PIWIL2: variants seen among roughly 807,000 people sequenced by gnomAD.
PIWIL2 encodes the protein piwi like RNA-mediated gene silencing 2, also known as piwi-like protein 2.
Under a neutral mutation model 116.5 loss-of-function variants are expected in PIWIL2, and 81 were observed. The ratio of observed to expected loss-of-function variants is 0.70; its 90% CI spans 0.58 to 0.84. The LOEUF (loss-of-function observed/expected upper bound fraction) is 0.84, where lower values mean the gene tolerates loss of function less well. PIWIL2 is among the 40% of genes least tolerant of loss of function. PIWIL2 has a pLI of 0.00. For missense variants in PIWIL2, 1,272 were observed against 1,212.3 expected (o/e 1.05, Z -0.73); for synonymous variants, 489 against 429.5 (o/e 1.14, Z -1.71).
At chr8:22,281,042 A>G (rs999106400) in intron 2 of PIWIL2, 78 bp from the exon 3 acceptor site, 4 of 791,516 alleles carry the variant, frequency 5.1e-6, no homozygotes, top group East Asian at 2.6e-5. Context: ...TGATTTTATT[A>G]TATACCAAGA....
At chr8:22,295,539 C>T (rs1306581715) in intron 10 of PIWIL2, among the ~76,000 whole-genome samples, 1 of 152,106 alleles carries the variant, frequency 6.6e-6, no homozygotes, top group Non-Finnish European at 1.5e-5. Context: ...AGTGAGAAGG[C>T]CTGTGTCAGG....
chr8:22,347,634 C>T (rs1832259777), intron 20 of PIWIL2, among the ~76,000 whole-genome samples: 1 of 149,162 alleles, frequency 6.7e-6, no homozygotes, highest in South Asian at 2.2e-4. Flanking sequence ...TCAAGCTGTT[C>T]TCCTACCTCA....
At position 22,311,295 on chromosome 8, in the gene PIWIL2, G is replaced by A; in HGVS notation, c.1984G>A (p.Ala662Thr). 2 of 1,597,640 alleles carry A rather than the reference G, an allele frequency of 1.3e-6. No homozygotes were observed. Among genetic ancestry groups the A allele is most frequent in the African/African-American group, 1.3e-5 (1 of 74,304 alleles). ...YVRTIQSTLGAEGKIQMVVCI... is the reference protein window; with the variant it reads ...YVRTIQSTLGTEGKIQMVVCI... ...CAGAACCATTCAATCCACGTTAGGAGCTGAGGTAAAAATGTAATTCAAATA... is the reference window on the plus strand; with the variant it reads ...CAGAACCATTCAATCCACGTTAGGAACTGAGGTAAAAATGTAATTCAAATA... Residue 662 changes from alanine to threonine, a missense_variant, in exon 16 of 23, where the codon GCT (alanine) becomes ACT (threonine). Coordinates refer to ENST00000356766, the MANE Select transcript of PIWIL2 (RefSeq NM_018068.5).
intron 20 of PIWIL2, among the ~76,000 whole-genome samples, chr8:22,327,541 A>G (rs1419675456): frequency 7.2e-6 from 1 of 138,890 alleles, no homozygotes; most frequent in Non-Finnish European, 1.6e-5. Flanking sequence ...CTAATTTTGT[A>G]TTTTTAGTAG....
At chr8:22,309,100 T>C (rs1196306758) in intron 14 of PIWIL2, among the ~76,000 whole-genome samples, 1 of 151,966 alleles carries the variant, frequency 6.6e-6, no homozygotes, top group African/African-American at 2.4e-5. Flanking sequence ...TAGCTGGGAT[T>C]ACAAGCACGT....
At position 22,351,436 on chromosome 8, in the gene PIWIL2, C is replaced by CATAT. The variant is rs1306694253; in HGVS notation, c.2404-1520_2404-1519insTATA. On this transcript the variant is annotated intron_variant, in intron 20 of 22. Coordinates refer to ENST00000356766, the MANE Select transcript of PIWIL2 (RefSeq NM_018068.5). The stretch of plus-strand genomic sequence containing the variant: ...AGTAACCTGTAAGGAACAGTGCATA[C>CATAT]ATACATATATATATATATATATATA... Among the ~76,000 whole-genome samples the CATAT allele has an allele frequency of 5.0e-3, 230 of 46,024 alleles. 1 individual carries two copies. Among genetic ancestry groups the CATAT allele is most frequent in the Middle Eastern group, 0.019 (1 of 54 alleles). 30.2% of individuals were successfully genotyped at this position (46,024 alleles called of 152,430 possible).
rs1831228704 is a variant in PIWIL2, at chr8:22,308,005, G to A, written c.1618G>A (p.Ala540Thr). 2 of 1,613,700 alleles carry A rather than the reference G, an allele frequency of 1.2e-6. No individual in the cohort carries two copies. Among genetic ancestry groups the A allele is most frequent in the Non-Finnish European group, 1.7e-6 (2 of 1,179,918 alleles). The change falls in exon 14 of 23, where the codon GCA becomes ACA. Residue 540 changes from alanine to threonine, a missense_variant. Ala to Thr is a moderately conservative substitution (Grantham distance 58). Transcript: ENST00000356766. ...SALECLLQRI[A>T]KNEAATNELM... is the part of the protein sequence containing the mutation. ...TTTGGAATGCTTGCTGCAAAGAATT[G>A]CAAAGAACGAGGCAGCCACCAATGA...
At chr8:22,343,353 T>G (rs540956165) in intron 20 of PIWIL2, among the ~76,000 whole-genome samples, 1 of 152,002 alleles carries the variant, frequency 6.6e-6, no homozygotes, top group Non-Finnish European at 1.5e-5. Flanking sequence ...GAGAATCATT[T>G]GAACTTGGGA....
chr8:22,303,714 C>T (rs963310080), intron 10 of PIWIL2, among the ~76,000 whole-genome samples: 1 of 152,102 alleles, frequency 6.6e-6, no homozygotes, highest in Non-Finnish European at 1.5e-5. Flanking sequence ...CTCTTATTTC[C>T]TGCAGTTCAG....
At chr8:22,349,081 C>T (rs1035217611) in intron 20 of PIWIL2, among the ~76,000 whole-genome samples, 15 of 144,332 alleles carry the variant, frequency 1.0e-4, no homozygotes, top group South Asian at 4.4e-4. Context: ...TGGGATCTCA[C>T]TCTGTCACCC....
At chr8:22,342,047 T>C (rs987820332) in intron 20 of PIWIL2, among the ~76,000 whole-genome samples, 2 of 151,672 alleles carry the variant, frequency 1.3e-5, no homozygotes, top group African/African-American at 4.8e-5. Context: ...TTTGAAATTT[T>C]AGACAATAAA....
At chr8:22,349,249 C>T (rs1234908596) in intron 20 of PIWIL2, among the ~76,000 whole-genome samples, 1 of 150,888 alleles carries the variant, frequency 6.6e-6, no homozygotes, top group African/African-American at 2.4e-5. Flanking sequence ...TCAAGTCATC[C>T]GCCTGCCTCA....
At chr8:22,310,190 A>G (rs1586565520) in intron 15 of PIWIL2, 116 bp downstream of exon 15, 1 of 615,230 alleles carries the variant, frequency 1.6e-6, no homozygotes, top group South Asian at 2.1e-5. Context: ...TTGAATCCCC[A>G]TTCTGAATTA....
intron 20 of PIWIL2, among the ~76,000 whole-genome samples, chr8:22,352,638 C>G (rs1832399121): frequency 6.6e-6 from 1 of 152,178 alleles, no homozygotes; most frequent in South Asian, 2.1e-4. Context: ...AAAATTGATT[C>G]AGCCTGCAGT....
chr8:22,298,442 A>C (rs1051299749), intron 10 of PIWIL2, among the ~76,000 whole-genome samples: 1 of 152,226 alleles, frequency 6.6e-6, no homozygotes, highest in Non-Finnish European at 1.5e-5. Flanking sequence ...CCTAAGGCTA[A>C]TGACAAAGGC....
At chr8:22,295,355 C>G (rs1237354338) in intron 10 of PIWIL2, among the ~76,000 whole-genome samples, 1 of 151,070 alleles carries the variant, frequency 6.6e-6, no homozygotes, top group East Asian at 1.9e-4. Flanking sequence ...TTTCTAAGTA[C>G]GTAATTTTAT....
rs776644718 is a variant in PIWIL2, at chr8:22,355,490, C to T, written c.2907C>T (p.Asn969=). ...AACCAGCCATCCAGCTGTGCGAGAA[C>T]CTGTTCTTCCTGTGACTGCACAGCT... ...HHEPAIQLCE[N]LFFL The change falls in exon 23 of 23, where the codon AAC becomes AAT. Residue 969 remains asparagine, a synonymous_variant. Transcript: ENST00000356766. The T allele has an allele frequency of 6.2e-7, 1 of 1,614,000 alleles. No individual in the cohort carries two copies. The highest frequency in any genetic ancestry group is 1.7e-5 in the Admixed American group (1 of 60,020).
intron 10 of PIWIL2, among the ~76,000 whole-genome samples, chr8:22,299,006 A>G (rs1316339015): frequency 6.6e-6 from 1 of 152,190 alleles, no homozygotes; most frequent in Non-Finnish European, 1.5e-5. Context: ...CTTAAAACCC[A>G]TTCTTATGGC....
At chr8:22,312,297 ACT>A (rs1312756677) in intron 16 of PIWIL2, among the ~76,000 whole-genome samples, 1 of 150,788 alleles carries the variant, frequency 6.6e-6, no homozygotes, top group Non-Finnish European at 1.5e-5. Flanking sequence ...ATAGGATTTT[ACT>A]CTGTCACCCA....
Sources: allele counts gnomAD v4.1 joint callset (sites outside exome capture counted in the v4.1 genomes callset), GRCh38; gene constraint gnomAD v4.1.1; transcripts MANE v1.5; gene names NCBI Gene and HGNC (gene_info 2026-07-23, HGNC 2026-07-21).